Variants in ASTN1 observed in about 807,000 individuals in gnomAD.
The protein encoded by ASTN1 is astrotactin 1, also known as astrotactin-1.
In ASTN1, 41 loss-of-function variants were observed where a neutral mutation model predicts 140.7. That is an observed-to-expected ratio of 0.29 (90% CI 0.23 to 0.38). The LOEUF (loss-of-function observed/expected upper bound fraction) is 0.38. Among genes scored for constraint, ASTN1 ranks in the 10% least tolerant of loss-of-function variants. ASTN1 has a pLI of 1.00. For synonymous variants in ASTN1, 640 were observed against 652.2 expected, an observed-to-expected ratio of 0.98 and a Z score of 0.29; for missense variants, 1,479 against 1,678.8, an observed-to-expected ratio of 0.88 and a Z score of 2.08.
In ASTN1 at chr1:177,144,364, T is replaced by A. The variant is rs577205027; in HGVS notation, c.283+20030A>T. ...GCCTCCCGGGTTCACGCCATTCTCC[T>A]GCCTCAGCCTCCTGAGTAGCTGGGA... On this transcript the variant is annotated intron_variant, in intron 1 of 22. Coordinates refer to ENST00000361833, the MANE Select transcript of ASTN1 (RefSeq NM_004319.3). 9.9e-5 allele frequency among the ~76,000 whole-genome samples: 15 copies of A among 151,702 alleles called. No individual in the cohort carries two copies. In the South Asian group the frequency reaches 2.9e-3, roughly 30 times the overall value.
At chr1:177,115,866 C>T (rs532861908) in intron 1 of ASTN1, among the ~76,000 whole-genome samples, 2 of 152,036 alleles carry the variant, frequency 1.3e-5, no homozygotes, top group Admixed American at 6.6e-5. Context: ...TATCTACACA[C>T]GCAACATTTA....
intron 8 of ASTN1, among the ~76,000 whole-genome samples, chr1:177,008,317 G>A (rs1459761449): frequency 4.0e-5 from 6 of 151,794 alleles, no homozygotes; most frequent in African/African-American, 4.8e-5. Flanking sequence ...ACAGAAAAAC[G>A]TAAGAGAAAA....
chr1:176,919,527 T>G (rs1475581418), intron 16 of ASTN1, among the ~76,000 whole-genome samples: 1 of 152,180 alleles, frequency 6.6e-6, no homozygotes, highest in Non-Finnish European at 1.5e-5. Flanking sequence ...TTCCTGATTC[T>G]CCTCATCCAC....
intron 8 of ASTN1, among the ~76,000 whole-genome samples, chr1:176,973,424 C>T (rs1040983589): frequency 6.6e-6 from 1 of 152,164 alleles, no homozygotes; most frequent in Non-Finnish European, 1.5e-5. Context: ...TTGTCTGAAA[C>T]ACTCCAACAC....
Position 176,880,309 on chromosome 1 carries a change from T to C in ASTN1, c.3362+2550A>G, listed in dbSNP as rs184645240. On this transcript the variant is annotated intron_variant, in intron 20 of 22. Coordinates refer to ENST00000361833, the MANE Select transcript of ASTN1 (RefSeq NM_004319.3). ...TAAGCCCCCTGCTAAGGACTGGCTC[T>C]CTTGTCTGATACTTTCCCACTTTCC... Among the ~76,000 whole-genome samples, 848 of 152,324 alleles carry C rather than the reference T, an allele frequency of 5.6e-3. 8 individuals carry two copies. The highest frequency in any genetic ancestry group is 0.019 in the African/African-American group (805 of 41,570).
chr1:177,051,747 G>C (rs145497563), intron 2 of ASTN1, among the ~76,000 whole-genome samples: 1 of 152,108 alleles, frequency 6.6e-6, no homozygotes, highest in Non-Finnish European at 1.5e-5. Context: ...AAAGGTAATG[G>C]CATCAGGACT....
chr1:176,870,971 G>T (rs1419026346), intron 21 of ASTN1, among the ~76,000 whole-genome samples: 2 of 152,156 alleles, frequency 1.3e-5, no homozygotes, highest in Non-Finnish European at 2.9e-5. Context: ...TTACCTACCT[G>T]CCCAAGGTCA....
At chr1:176,949,500 A>C (rs1672102115) in intron 11 of ASTN1, 149 bp from the exon 12 acceptor site, 3 of 928,660 alleles carry the variant, frequency 3.2e-6, no homozygotes, top group Non-Finnish European at 4.7e-6. Context: ...CTACCACAGC[A>C]GACTTCTTTT....
At chr1:177,003,949 A>G (rs1240425914) in intron 8 of ASTN1, among the ~76,000 whole-genome samples, 1 of 152,238 alleles carries the variant, frequency 6.6e-6, no homozygotes, top group Non-Finnish European at 1.5e-5. Flanking sequence ...CTTCTATTCA[A>G]CATAGTATTA....
intron 21 of ASTN1, among the ~76,000 whole-genome samples, chr1:176,871,633 A>G (rs1668347568): frequency 6.6e-6 from 1 of 152,202 alleles, no homozygotes; most frequent in Non-Finnish European, 1.5e-5. Context: ...AGCCCACATC[A>G]GTAAGTCAGA....
intron 5 of ASTN1, 104 bp from the exon 6 acceptor site, chr1:177,024,836 G>A: frequency 1.6e-6 from 2 of 1,289,866 alleles, no homozygotes; most frequent in South Asian, 2.8e-5. Context: ...GAGACAGTTG[G>A]CAAAACTAGC....
intron 2 of ASTN1, among the ~76,000 whole-genome samples, chr1:177,044,442 C>T (rs1264717836): frequency 6.6e-6 from 1 of 151,838 alleles, no homozygotes; most frequent in Admixed American, 6.5e-5. Context: ...CTGACCATGG[C>T]CCCCTCTGTT....
At chr1:177,073,661 T>A (rs1678753405) in intron 1 of ASTN1, among the ~76,000 whole-genome samples, 1 of 150,220 alleles carries the variant, frequency 6.7e-6, no homozygotes, top group Admixed American at 6.7e-5. Context: ...TCTGTGCATG[T>A]TCGCTGGGTT....
intron 2 of ASTN1, among the ~76,000 whole-genome samples, chr1:177,035,498 T>C (rs751053409): frequency 6.6e-6 from 1 of 152,260 alleles, no homozygotes; most frequent in African/African-American, 2.4e-5. Context: ...CGACCTTTAG[T>C]AAGCACCTAC....
Position 176,979,015 on chromosome 1 carries a change from C to G in ASTN1, c.1524-13778G>C, listed in dbSNP as rs533160694. On this transcript the variant is annotated intron_variant, in intron 8 of 22. Transcript: ENST00000361833. Reference sequence around the variant, plus strand: ...GATACAGAGGTGAACAGAAGCAAAACTGATGGGGGTCTGTTAAAGGGAGTT... The same window carrying G: ...GATACAGAGGTGAACAGAAGCAAAAGTGATGGGGGTCTGTTAAAGGGAGTT... Among the ~76,000 whole-genome samples the G allele has an allele frequency of 5.9e-5, 9 of 152,258 alleles. No individual in the cohort carries two copies. The South Asian group carries it at 1.9e-3, about 32-fold the overall frequency.
intron 1 of ASTN1, among the ~76,000 whole-genome samples, chr1:177,088,674 T>A (rs1679591671): frequency 6.6e-6 from 1 of 152,164 alleles, no homozygotes; most frequent in African/African-American, 2.4e-5. Flanking sequence ...GCATGCTCAT[T>A]CTAAGAAGGC....
At chr1:176,993,028 AT>A (rs1298819548) in intron 8 of ASTN1, among the ~76,000 whole-genome samples, 1 of 152,228 alleles carries the variant, frequency 6.6e-6, no homozygotes, top group Non-Finnish European at 1.5e-5. Context: ...CCTCTCTGCC[AT>A]GTAGGAACCT....
intron 8 of ASTN1, among the ~76,000 whole-genome samples, chr1:176,973,347 T>C (rs1160040912): frequency 6.6e-6 from 1 of 152,224 alleles, no homozygotes; most frequent in African/African-American, 2.4e-5. Flanking sequence ...AATTATGTCA[T>C]TCATTATTGT....
chr1:176,899,903 A>G (rs1669692098), intron 16 of ASTN1, among the ~76,000 whole-genome samples: 1 of 152,226 alleles, frequency 6.6e-6, no homozygotes, highest in African/African-American at 2.4e-5. Context: ...TAATTAGGGA[A>G]AAGAAGATAG....
Sources: gnomAD v4.1 joint callset for allele counts (sites outside exome capture counted in the v4.1 genomes callset) on GRCh38, gnomAD v4.1.1 for gene constraint, MANE v1.5 for transcripts, NCBI Gene and HGNC (gene_info 2026-07-23, HGNC 2026-07-21) for gene names.